Variants in TRIM6 observed in about 807,000 individuals in gnomAD.
The protein encoded by TRIM6 is tripartite motif containing 6, also known as tripartite motif-containing protein 6.
A neutral mutation model predicts 51.2 loss-of-function variants in TRIM6; 43 were observed. The ratio of observed to expected loss-of-function variants is 0.84; its 90% CI spans 0.66 to 1.08. The LOEUF is 1.08. Among genes scored for constraint, TRIM6 ranks in the 50% least tolerant of loss-of-function variants. The probability of loss-of-function intolerance (pLI) is 0.00; values close to 1 mark genes in which losing one functional copy is unlikely to be tolerated. For missense variants in TRIM6, 669 were observed against 619.0 expected (o/e 1.08, Z -0.86); for synonymous variants, 215 against 232.4 (o/e 0.93, Z 0.68).
intron 4 of TRIM6, among the ~76,000 whole-genome samples, chr11:5,606,848 T>G (rs973651674): frequency 6.6e-6 from 1 of 152,260 alleles, no homozygotes. Flanking sequence ...TTCTGGAATT[T>G]TCCCATCACA....
rs147731518 is a variant in TRIM6, at chr11:5,609,797, C to T, written c.858-348C>T. ...AATTAGCCAGGCGTGGTGGCACGCG[C>T]CTGTAGTCCCAGCTACTCAGAAGGC... On this transcript the variant is annotated intron_variant, in intron 5 of 7. Coordinates refer to ENST00000380097, the MANE Select transcript of TRIM6 (RefSeq NM_001003818.3). Among the ~76,000 whole-genome samples the T allele has an allele frequency of 5.0e-3, 761 of 152,244 alleles. 6 individuals carry two copies. The highest frequency in any genetic ancestry group is 0.018 in the African/African-American group (735 of 41,556).
intron 2 of TRIM6, among the ~76,000 whole-genome samples, chr11:5,604,128 A>ACTT (rs1848053309): frequency 6.6e-6 from 1 of 151,956 alleles, no homozygotes; most frequent in East Asian, 1.9e-4. Context: ...CCAAGTAGCT[A>ACTT]GGACTGTAGG....
Position 5,611,216 on chromosome 11 carries a change from T to C in TRIM6, c.1425T>C (p.Tyr475=), listed in dbSNP as rs1476159599. ...ATGAGGCTGGTACTGTCTCCTTTTA[T>C]AATGTCACAAACCATGGCTTCCCCA... The part of the protein sequence containing the change: ...LDYEAGTVSF[Y]NVTNHGFPIY... Residue 475 remains tyrosine (Y), a synonymous_variant, in exon 8 of 8, where the codon TAT becomes TAC. Transcript: ENST00000380097. The C allele has an allele frequency of 1.2e-6, 2 of 1,614,160 alleles. No homozygotes were observed. The highest frequency in any genetic ancestry group is 3.3e-5 in the Admixed American group (2 of 60,020).
rs192937012 is a variant in TRIM6, at chr11:5,610,426, A to C, written c.959-109A>C. The C allele has an allele frequency of 3.4e-3, 5,360 of 1,598,998 alleles. 13 individuals are homozygous for C. Among genetic ancestry groups the C allele is most frequent in the Middle Eastern group, 8.8e-3 (53 of 6,044 alleles). On this transcript the variant is annotated intron_variant, in intron 6 of 7. Transcript: ENST00000380097. ...TAAGGGGAGATGAAATGGCCAGGTG[A>C]CATCCTCACAGGATTCCTCACCATT...
Position 5,608,399 on chromosome 11 carries a change from G to A in TRIM6, c.857+5G>A. 6.2e-7 allele frequency: 1 copy of A among 1,613,670 alleles called. No homozygotes were observed. Among genetic ancestry groups the A allele is most frequent in the Non-Finnish European group, 8.5e-7 (1 of 1,179,772 alleles). ...TGTGAGTGATGTCACAGAAAGGTATGTGTAAGGAGAACATGAGGTAGTTCC... is the reference window on the plus strand; with the variant it reads ...TGTGAGTGATGTCACAGAAAGGTATATGTAAGGAGAACATGAGGTAGTTCC... On this transcript the variant is annotated splice_donor_5th_base_variant and intron_variant, in intron 5 of 7. Coordinates refer to ENST00000380097, the MANE Select transcript of TRIM6 (RefSeq NM_001003818.3).
intron 3 of TRIM6, 59 bp from the exon 4 acceptor site, chr11:5,605,278 A>C (rs1848138552): frequency 6.2e-7 from 1 of 1,609,824 alleles, no homozygotes; most frequent in Non-Finnish European, 8.5e-7. Flanking sequence ...CCCGCTTTTA[A>C]TAGAGGAGAC....
At chr11:5,605,213 A>T in intron 3 of TRIM6, 124 bp from the exon 4 acceptor site, 2 of 1,285,188 alleles carry the variant, frequency 1.6e-6, no homozygotes, top group East Asian at 2.3e-5. Context: ...TGCAGCATTT[A>T]CCCTCCCTCT....
At position 5,596,817 on chromosome 11, in the gene TRIM6, A is replaced by T. The variant is rs374483206; in HGVS notation, c.-81A>T. ...GCGCTCTGTTCCTTAAGATTAGTTT[A>T]AGGTGCCTTGGATTGCTCTGAAGAG... On this transcript the variant is annotated 5_prime_UTR_variant, in exon 1 of 8. Coordinates refer to ENST00000380097, the MANE Select transcript of TRIM6 (RefSeq NM_001003818.3). 4.2e-5 allele frequency: 68 copies of T among 1,609,588 alleles called. No individual in the cohort carries two copies. Among genetic ancestry groups the T allele is most frequent in the East Asian group, 2.9e-4 (13 of 44,772 alleles).
At chr11:5,609,878 G>T (rs1486603627) in intron 5 of TRIM6, among the ~76,000 whole-genome samples, 1 of 152,110 alleles carries the variant, frequency 6.6e-6, no homozygotes, top group East Asian at 1.9e-4. Context: ...AGCCGAGATC[G>T]TGCCACTGCA....
At chr11:5,604,945 C>A (rs1246641851) in intron 3 of TRIM6, 2 of 444,494 alleles carry the variant, frequency 4.5e-6, no homozygotes, top group Non-Finnish European at 8.1e-6. Context: ...AGTACAAATG[C>A]AAGGGAAAAT....
At chr11:5,610,306 G>A (rs893971509) in intron 6 of TRIM6, 61 bp downstream of exon 6, 93 of 1,608,916 alleles carry the variant, frequency 5.8e-5, no homozygotes, top group South Asian at 2.8e-4. Context: ...AGAAATAAAC[G>A]GGATAGAGGC....
In TRIM6 at chr11:5,610,917, C is replaced by T; in HGVS notation, c.1126C>T (p.Gln376Ter). ...KHYDCSVLGS[Q>*]HFSSGKHYWE... is the part of the protein sequence containing the mutation. ...TTATGACTGTAGTGTCCTGGGCTCC[C>T]AGCACTTCTCCTCTGGTAAGCATTA... The change falls in exon 8 of 8, where the codon CAG becomes TAG. Residue 376 changes from glutamine to a stop codon, truncating the protein, a stop_gained. Transcript: ENST00000380097. LOFTEE classifies it low-confidence loss of function (END_TRUNC). 1 of 1,614,190 alleles carries T rather than the reference C, an allele frequency of 6.2e-7. No homozygotes were observed. Among genetic ancestry groups the T allele is most frequent in the Non-Finnish European group, 8.5e-7 (1 of 1,180,042 alleles).
intron 4 of TRIM6, among the ~76,000 whole-genome samples, chr11:5,606,482 T>C (rs1367407829): frequency 6.6e-6 from 1 of 152,190 alleles, no homozygotes; most frequent in African/African-American, 2.4e-5. Flanking sequence ...TCTTCGTGCT[T>C]TCCTCTTGCT....
rs1847502938 is a variant in TRIM6 at position 5,596,931 on chromosome 11, G to T, written c.17+17G>T. On this transcript the variant is annotated intron_variant, in intron 1 of 7. Coordinates refer to ENST00000380097, the MANE Select transcript of TRIM6 (RefSeq NM_001003818.3). ...GTCAGAGAGGTATGTCTACCGTTCTGTTGACTGGCTCTTATTGTCACTTCT... is the reference window on the plus strand; with the variant it reads ...GTCAGAGAGGTATGTCTACCGTTCTTTTGACTGGCTCTTATTGTCACTTCT... 5 of 1,614,082 alleles carry T rather than the reference G, an allele frequency of 3.1e-6. No individual in the cohort carries two copies. The highest frequency in any genetic ancestry group is 4.2e-6 in the Non-Finnish European group (5 of 1,179,988).
chr11:5,608,850 T>G (rs1398084606), intron 5 of TRIM6, among the ~76,000 whole-genome samples: 5 of 139,690 alleles, frequency 3.6e-5, no homozygotes, highest in Admixed American at 2.8e-4. Flanking sequence ...CCCATAAATT[T>G]TTTTTTTTTT....
upstream of TRIM6, chr11:5,596,527 C>G (rs1452219783): frequency 4.9e-5 from 1 of 20,450 alleles, no homozygotes; most frequent in Non-Finnish European, 1.4e-4. Flanking sequence ...CCCTTCCCCC[C>G]TTCCCCCTTC....
At position 5,603,565 on chromosome 11, in the gene TRIM6, G is replaced by GT; in HGVS notation, c.338dup (p.Leu114ValfsTer35). The GT allele has an allele frequency of 1.2e-6, 2 of 1,614,056 alleles. No individual in the cohort carries two copies. Among genetic ancestry groups the GT allele is most frequent in the Non-Finnish European group, 1.7e-6 (2 of 1,180,018 alleles). On this transcript the variant is annotated frameshift_variant, in exon 2 of 8. Transcript: ENST00000380097. LOFTEE classifies it high-confidence loss of function. ...CATAGTGAGGCGGCTCAGAGAGGTA[G>GT]TGTTGGGCCCTGGGAAGCAGCTGAA... is the stretch of plus-strand genomic sequence containing the variant.
At chr11:5,603,216 G>C (rs752736516) in intron 1 of TRIM6, 30 bp from the exon 2 acceptor site, 1 of 1,599,016 alleles carries the variant, frequency 6.3e-7, no homozygotes, top group Non-Finnish European at 8.5e-7. Context: ...TTCTTACCCT[G>C]ATCCTTTTTT....
At chr11:5,600,498 C>T (rs1383450606) in intron 1 of TRIM6, among the ~76,000 whole-genome samples, 1 of 152,160 alleles carries the variant, frequency 6.6e-6, no homozygotes, top group East Asian at 1.9e-4. Flanking sequence ...GATCCCCCAG[C>T]AGGGCCGCTA....
Sources: gnomAD v4.1 joint callset for allele counts (sites outside exome capture counted in the v4.1 genomes callset) on GRCh38, gnomAD v4.1.1 for gene constraint, MANE v1.5 for transcripts, NCBI Gene and HGNC (gene_info 2026-07-23, HGNC 2026-07-21) for gene names.